Variants in SLC7A5 observed in about 807,000 individuals in gnomAD.
SLC7A5 encodes the protein large neutral amino acids transporter small subunit 1.
A neutral mutation model predicts 50.2 loss-of-function variants in SLC7A5; 23 were observed. That is an observed-to-expected ratio of 0.46 (90% CI 0.33 to 0.65). SLC7A5 has a LOEUF of 0.65. SLC7A5 is among the 30% of genes least tolerant of loss of function. The probability of loss-of-function intolerance (pLI) is 0.02; values close to 1 mark genes in which losing one functional copy is unlikely to be tolerated. For synonymous variants in SLC7A5, 393 were observed against 330.6 expected (o/e 1.19, Z -2.05); for missense variants, 578 against 684.4 (o/e 0.84, Z 1.73).
In SLC7A5 at chr16:87,841,093, T is replaced by C. The variant is rs774362027; in HGVS notation, c.727A>G (p.Ile243Val). The change falls in exon 3 of 10, where the codon ATT becomes GTT. Residue 243 changes from isoleucine (I) to valine (V), a missense_variant. Transcript: ENST00000261622. This position sits in a 1 kb window ranked among gnomAD's most constrained non-coding sequence, Gnocchi z 4.8. ...AGGCCGCTGTATAATGCCAGCACAATGTTCCCCACATCCAGTTTGGTGCCT... is the reference window on the plus strand; with the variant it reads ...AGGCCGCTGTATAATGCCAGCACAACGTTCCCCACATCCAGTTTGGTGCCT... ...FEGTKLDVGN[I>V]VLALYSGLFA... 6.2e-7 allele frequency: 1 copy of C among 1,613,920 alleles called. No homozygotes were observed. The highest frequency in any genetic ancestry group is 8.5e-7 in the Non-Finnish European group (1 of 1,179,914).
intron 2 of SLC7A5, among the ~76,000 whole-genome samples, 200 bp downstream of exon 2, chr16:87,851,524 G>C (rs927888158): frequency 1.3e-5 from 2 of 152,226 alleles, no homozygotes; most frequent in Non-Finnish European, 2.9e-5. Flanking sequence ...TGGCCACGCT[G>C]TCCCACGGGA....
chr16:87,839,137 G>A (rs2287123), intron 5 of SLC7A5, among the ~76,000 whole-genome samples: 9,708 of 152,274 alleles, frequency 0.064, 415 homozygotes, highest in South Asian at 0.15. Context: ...GGCTCAGCAC[G>A]GTGCCCTGCC....
At chr16:87,868,124 AAAAAAAAAAGAAAG>A (rs1233788315) in intron 1 of SLC7A5, among the ~76,000 whole-genome samples, 1 of 145,874 alleles carries the variant, frequency 6.9e-6, no homozygotes, top group African/African-American at 2.7e-5. Context: ...TCAAAAAAAA[AAAAAAAAAAGAAAG>A]AAAAAGAAAA....
At chr16:87,844,287 G>A (rs1286780035) in intron 2 of SLC7A5, among the ~76,000 whole-genome samples, 3 of 152,206 alleles carry the variant, frequency 2.0e-5, no homozygotes, top group African/African-American at 4.8e-5. Flanking sequence ...TGCAAACGCC[G>A]CGGCGACCCC....
chr16:87,866,444 G>GCA, intron 1 of SLC7A5, among the ~76,000 whole-genome samples: 1 of 152,236 alleles, frequency 6.6e-6, no homozygotes, highest in Non-Finnish European at 1.5e-5. Context: ...GGGACTACAG[G>GCA]TGTGCGCCAT....
chr16:87,834,388 G>C (rs756942407), intron 9 of SLC7A5, 26 bp downstream of exon 9: 1 of 1,550,404 alleles, frequency 6.4e-7, no homozygotes, highest in African/African-American at 1.4e-5. Context: ...AGGGTACCAC[G>C]GGCTGTGGGC....
rs1473754599 is a variant in SLC7A5, at chr16:87,860,373, C to T, written c.538+8512G>A. 1.4e-5 allele frequency among the ~76,000 whole-genome samples: 2 copies of T among 147,758 alleles called. No individual in the cohort carries two copies. The highest frequency in any genetic ancestry group is 5.1e-5 in the African/African-American group (2 of 39,468). On this transcript the variant is annotated intron_variant, in intron 1 of 9. Transcript: ENST00000261622. This position sits in a 1 kb window ranked among gnomAD's most constrained non-coding sequence, Gnocchi z 4.8. ...ACACACACACACACACACACACACACACACACACACACACACACACACACA... is the reference window on the plus strand; with the variant it reads ...ACACACACACACACACACACACACATACACACACACACACACACACACACA...
At chr16:87,857,765 G>A (rs1373010770) in intron 1 of SLC7A5, among the ~76,000 whole-genome samples, 1 of 152,240 alleles carries the variant, frequency 6.6e-6, no homozygotes, top group Admixed American at 6.5e-5. Context: ...TAACAGGCTG[G>A]TGTCACATTT....
At chr16:87,843,479 G>A (rs1465926694) in intron 2 of SLC7A5, among the ~76,000 whole-genome samples, 1 of 150,298 alleles carries the variant, frequency 6.7e-6, no homozygotes, top group Non-Finnish European at 1.5e-5. Flanking sequence ...CTCTGCTTAA[G>A]GGTGGCCTGG....
At chr16:87,866,280 T>C (rs372527753) in intron 1 of SLC7A5, among the ~76,000 whole-genome samples, 2 of 152,070 alleles carry the variant, frequency 1.3e-5, no homozygotes, top group African/African-American at 4.8e-5. Flanking sequence ...AGCGATATAT[T>C]TGTAACAGAA....
chr16:87,851,910 G>A (rs1282414479), intron 1 of SLC7A5, 61 bp from the exon 2 acceptor site: 34 of 1,606,436 alleles, frequency 2.1e-5, no homozygotes, highest in Non-Finnish European at 2.7e-5. Context: ...TCAGGGGTAG[G>A]CTGGGAGGTG....
intron 1 of SLC7A5, among the ~76,000 whole-genome samples, chr16:87,863,986 A>AAAAAAAAAATATATATAT (rs376938738): frequency 3.6e-5 from 3 of 83,280 alleles, no homozygotes; most frequent in African/African-American, 1.2e-4. Context: ...ATCATTTAAA[A>AAAAAAAAAATATATATAT]ATATATATAT....
At position 87,858,847 on chromosome 16, in the gene SLC7A5, C is replaced by T. The variant is rs1052213536; in HGVS notation, c.539-6998G>A. 5.3e-5 allele frequency among the ~76,000 whole-genome samples: 8 copies of T among 152,204 alleles called. No homozygotes were observed. In the East Asian group the frequency reaches 9.6e-4, roughly 18 times the overall value. ...TTAACCAGTGCACAGCCTGTACACC[C>T]GACAGGAGGATGCAGCTGTTCCAAG... On this transcript the variant is annotated intron_variant, in intron 1 of 9. Coordinates refer to ENST00000261622, the MANE Select transcript of SLC7A5 (RefSeq NM_003486.7).
chr16:87,860,379 C>T lies in SLC7A5; in HGVS notation c.538+8506G>A, dbSNP rs2055379776. 1.4e-5 allele frequency among the ~76,000 whole-genome samples: 2 copies of T among 146,556 alleles called. No homozygotes were observed. Among genetic ancestry groups the T allele is most frequent in the African/African-American group, 5.2e-5 (2 of 38,226 alleles). On this transcript the variant is annotated intron_variant, in intron 1 of 9. Transcript: ENST00000261622. The surrounding 1 kb of genome is among the most constrained non-coding windows in gnomAD (Gnocchi z 4.8). ...ACACACACACACACACACACACACA[C>T]ACACACACACACACACACACATATA...
Position 87,833,954 on chromosome 16 carries a change from A to C in SLC7A5, c.1468+460T>G, listed in dbSNP as rs1038597922. ...CTGCAACCTCCGTCTCCCGGGTTCAAGTGATTCTCCTGCCTCAGCCTCCTG... is the reference window on the plus strand; with the variant it reads ...CTGCAACCTCCGTCTCCCGGGTTCACGTGATTCTCCTGCCTCAGCCTCCTG... On this transcript the variant is annotated intron_variant, in intron 9 of 9. Transcript: ENST00000261622. The surrounding 1 kb of genome is among the most constrained non-coding windows in gnomAD (Gnocchi z 6.0). 6.6e-6 allele frequency among the ~76,000 whole-genome samples: 1 copy of C among 151,692 alleles called. No individual in the cohort carries two copies. The highest frequency in any genetic ancestry group is 2.4e-5 in the African/African-American group (1 of 41,238).
intron 1 of SLC7A5, among the ~76,000 whole-genome samples, chr16:87,865,440 G>A (rs1190379285): frequency 6.6e-6 from 1 of 152,210 alleles, no homozygotes; most frequent in African/African-American, 2.4e-5. Context: ...CAGGTGTGGT[G>A]GCTCAAGCCT....
intron 6 of SLC7A5, 102 bp from the exon 7 acceptor site, chr16:87,838,043 G>C (rs979319453): frequency 2.1e-6 from 2 of 930,500 alleles, no homozygotes; most frequent in Non-Finnish European, 3.4e-6. Flanking sequence ...TGCCTGGCTT[G>C]TCTGGGCCTC....
At chr16:87,834,907 G>A (rs2054979134) in intron 8 of SLC7A5, among the ~76,000 whole-genome samples, 1 of 152,218 alleles carries the variant, frequency 6.6e-6, no homozygotes, top group African/African-American at 2.4e-5. Flanking sequence ...TGGAAACCCT[G>A]AGCCGCCAGG....
At chr16:87,859,803 T>G (rs183816383) in intron 1 of SLC7A5, among the ~76,000 whole-genome samples, 228 of 151,946 alleles carry the variant, frequency 1.5e-3, no homozygotes, top group African/African-American at 5.2e-3. Context: ...CCAGGCATGG[T>G]GGCGGCAGGC....
Sources: gnomAD v4.1 joint callset for allele counts (sites outside exome capture counted in the v4.1 genomes callset) on GRCh38, gnomAD v4.1.1 for gene constraint, Gnocchi (gnomAD v3.1) non-coding constraint, MANE v1.5 for transcripts, NCBI Gene and HGNC (gene_info 2026-07-23, HGNC 2026-07-21) for gene names.